KCNJ12: variants seen among roughly 807,000 people sequenced by gnomAD.
KCNJ12 encodes the protein potassium inwardly rectifying channel subfamily J member 12, also known as ATP-sensitive inward rectifier potassium channel 12.
In KCNJ12, 2 loss-of-function variants were observed where a neutral mutation model predicts 22.3. The observed-to-expected ratio is 0.09, with a 90% CI of 0.04 to 0.28. KCNJ12 has a LOEUF of 0.28. KCNJ12 is among the 10% of genes least tolerant of loss of function. The pLI, the probability that KCNJ12 is intolerant of heterozygous loss-of-function variation, is 1.00. For synonymous variants in KCNJ12, 117 were observed against 261.4 expected, an observed-to-expected ratio of 0.45 and a Z score of 5.33; for missense variants, 155 against 633.3, an observed-to-expected ratio of 0.24 and a Z score of 8.11.
intron 2 of KCNJ12, among the ~76,000 whole-genome samples, chr17:21,414,378 G>A (rs1446362120): frequency 1.3e-5 from 2 of 151,936 alleles, no homozygotes; most frequent in African/African-American, 4.8e-5. Flanking sequence ...AGGAAGCTGA[G>A]GCAGGAGAAT....
intron 1 of KCNJ12, among the ~76,000 whole-genome samples, chr17:21,385,148 C>A (rs1365339515): frequency 6.6e-6 from 1 of 152,176 alleles, no homozygotes; most frequent in Non-Finnish European, 1.5e-5. Context: ...TTCCTTGGAA[C>A]CTGGCCTGAG....
intron 1 of KCNJ12, among the ~76,000 whole-genome samples, chr17:21,392,944 G>A (rs1271452683): frequency 6.6e-6 from 1 of 152,164 alleles, no homozygotes; most frequent in African/African-American, 2.4e-5. Context: ...GGGAGGCTAG[G>A]GCAGGAAGAT....
intron 1 of KCNJ12, among the ~76,000 whole-genome samples, chr17:21,392,301 T>TA (rs1187403653): frequency 6.6e-6 from 1 of 152,214 alleles, no homozygotes; most frequent in Admixed American, 6.5e-5. Context: ...GCTCAGTGTG[T>TA]GCTCACTTGT....
rs1906723567 is a variant in KCNJ12, at chr17:21,415,972, C to T, written c.630C>T (p.Cys210=). ...AVVALRDGKL[C]LMWRVGNLRK... ...TGGCCCTGCGTGACGGCAAGCTCTG[C>T]CTCATGTGGCGTGTGGGTAACCTGC... Residue 210 remains cysteine, a synonymous_variant, in exon 3 of 3, where the codon TGC becomes TGT. Transcript: ENST00000583088. 3.1e-6 allele frequency: 5 copies of T among 1,610,916 alleles called. No individual in the cohort carries two copies. The highest frequency in any genetic ancestry group is 3.4e-6 in the Non-Finnish European group (4 of 1,179,324).
At chr17:21,386,699 G>A (rs528615816) in intron 1 of KCNJ12, among the ~76,000 whole-genome samples, 1 of 151,936 alleles carries the variant, frequency 6.6e-6, no homozygotes, top group Admixed American at 6.5e-5. Flanking sequence ...GTAGAGATGG[G>A]GTTTCACCAT....
intron 1 of KCNJ12, among the ~76,000 whole-genome samples, chr17:21,394,813 T>A (rs545031175): frequency 5.9e-5 from 9 of 152,278 alleles, no homozygotes; most frequent in African/African-American, 2.2e-4. Flanking sequence ...GGGAGTTCAG[T>A]GTTGCCAGGG....
intron 1 of KCNJ12, among the ~76,000 whole-genome samples, chr17:21,406,796 GC>G (rs1172450220): frequency 2.0e-5 from 3 of 152,382 alleles, no homozygotes; most frequent in African/African-American, 7.2e-5. Flanking sequence ...TGACAAACCA[GC>G]CTTGGCTGTA....
At chr17:21,389,531 G>A (rs1905157261) in intron 1 of KCNJ12, among the ~76,000 whole-genome samples, 1 of 152,200 alleles carries the variant, frequency 6.6e-6, no homozygotes, top group Admixed American at 6.5e-5. Context: ...GCTGCTTGGG[G>A]AGTAAGTCAA....
intron 1 of KCNJ12, among the ~76,000 whole-genome samples, chr17:21,390,807 T>C (rs909026477): frequency 2.0e-5 from 3 of 152,200 alleles, no homozygotes; most frequent in Admixed American, 1.3e-4. Context: ...AGTTCTTTTT[T>C]CTTGAAGGTG....
intron 2 of KCNJ12, among the ~76,000 whole-genome samples, chr17:21,411,375 T>C (rs1393359050): frequency 6.6e-6 from 1 of 152,278 alleles, no homozygotes; most frequent in East Asian, 1.9e-4. Context: ...AGCAGGGATC[T>C]CCGGGGGTCT....
intron 1 of KCNJ12, among the ~76,000 whole-genome samples, chr17:21,381,129 G>A (rs989216708): frequency 3.3e-5 from 5 of 152,130 alleles, no homozygotes; most frequent in African/African-American, 1.2e-4. Context: ...CATTAATGCT[G>A]TCCTAGGGTC....
chr17:21,417,264 G>T lies in KCNJ12; in HGVS notation c.*620G>T, dbSNP rs1906901144. The T allele has an allele frequency of 6.0e-6, 1 of 167,210 alleles. No individual in the cohort carries two copies. The highest frequency in any genetic ancestry group is 1.5e-5 in the Non-Finnish European group (1 of 68,222). 10.4% of individuals were successfully genotyped at this position (167,210 alleles called of 1,614,324 possible). ...GCACCACAGTCCCTGGGCAAGCAGG[G>T]TGCTCTGGGACCGCACTTCATCGAG... is the stretch of plus-strand genomic sequence containing the variant. On this transcript the variant is annotated 3_prime_UTR_variant, in exon 3 of 3. Coordinates refer to ENST00000583088, the MANE Select transcript of KCNJ12 (RefSeq NM_021012.5).
intron 1 of KCNJ12, among the ~76,000 whole-genome samples, chr17:21,398,044 A>G (rs1905432262): frequency 6.6e-6 from 1 of 152,102 alleles, no homozygotes; most frequent in Non-Finnish European, 1.5e-5. Context: ...GCCACCCTGC[A>G]GCCACTGCCA....
At position 21,379,643 on chromosome 17, in the gene KCNJ12, G is replaced by T. The variant is rs114147379; in HGVS notation, c.-179+2730G>T. Among the ~76,000 whole-genome samples the T allele has an allele frequency of 6.8e-3, 1,035 of 152,352 alleles. 8 individuals carry two copies. Among genetic ancestry groups the T allele is most frequent in the African/African-American group, 0.024 (988 of 41,584 alleles). ...TGGCCACATGGAAGGTGCGGTGGGT[G>T]GGGGCTCAGCCCCACGGGATGGCTG... On this transcript the variant is annotated intron_variant, in intron 1 of 2. Transcript: ENST00000583088.
chr17:21,407,957 T>C (rs1906072169), intron 1 of KCNJ12, among the ~76,000 whole-genome samples: 34 of 150,050 alleles, frequency 2.3e-4, no homozygotes, highest in Non-Finnish European at 1.5e-5. Context: ...CACCTACCCA[T>C]TCATCCCTGC....
Position 21,376,492 on chromosome 17 carries a change from C to T in KCNJ12, c.-600C>T, listed in dbSNP as rs898159273. 3.9e-5 allele frequency: 6 copies of T among 152,076 alleles called. No homozygotes were observed. Among genetic ancestry groups the T allele is most frequent in the African/African-American group, 1.2e-4 (5 of 41,412 alleles). 9.4% of individuals were successfully genotyped at this position (152,076 alleles called of 1,614,324 possible). On this transcript the variant is annotated 5_prime_UTR_variant, in exon 1 of 3. Transcript: ENST00000583088. This position sits in a 1 kb window ranked among gnomAD's most constrained non-coding sequence, Gnocchi z 5.3. ...GCCACACCGCCACTGCTGCCGCCTC[C>T]CTGGGAACAGTAGCCGGGGGAGGGG... is the stretch of plus-strand genomic sequence containing the variant.
intron 1 of KCNJ12, among the ~76,000 whole-genome samples, chr17:21,378,770 AG>A (rs1904762299): frequency 6.6e-6 from 1 of 151,954 alleles, no homozygotes. Context: ...CCAGCACTGA[AG>A]GGGGTGGAGC....
chr17:21,392,037 G>C (rs930259174), intron 1 of KCNJ12, among the ~76,000 whole-genome samples: 1 of 152,208 alleles, frequency 6.6e-6, no homozygotes, highest in Non-Finnish European at 1.5e-5. Context: ...AGGTAGAACC[G>C]GCTGACTTAT....
At chr17:21,406,596 G>A (rs1905951632) in intron 1 of KCNJ12, among the ~76,000 whole-genome samples, 3 of 152,302 alleles carry the variant, frequency 2.0e-5, no homozygotes, top group Non-Finnish European at 4.4e-5. Context: ...GACCAGGCAG[G>A]CCATCCCATT....
Sources: gnomAD v4.1 joint callset for allele counts (sites outside exome capture counted in the v4.1 genomes callset) on GRCh38, gnomAD v4.1.1 for gene constraint, Gnocchi (gnomAD v3.1) non-coding constraint, MANE v1.5 for transcripts, NCBI Gene and HGNC (gene_info 2026-07-23, HGNC 2026-07-21) for gene names.